The following WDR49 variants were observed in gnomAD, a reference collection of about 807,000 sequenced individuals.
WDR49 encodes the protein cilia- and flagella-associated protein 337.
A neutral mutation model predicts 119.5 loss-of-function variants in WDR49; 107 were observed. The ratio of observed to expected loss-of-function variants is 0.90; its 90% CI spans 0.77 to 1.05. The LOEUF (loss-of-function observed/expected upper bound fraction) is 1.05. Among genes scored for constraint, WDR49 ranks in the 50% least tolerant of loss-of-function variants. The pLI is 0.00. For synonymous variants in WDR49, 425 were observed against 418.8 expected, an observed-to-expected ratio of 1.01 and a Z score of -0.18; for missense variants, 1,240 against 1,220.5, an observed-to-expected ratio of 1.02 and a Z score of -0.24.
Position 167,605,472 on chromosome 3 carries a change from T to C in WDR49, c.959-1004A>G, listed in dbSNP as rs182546323. Among the ~76,000 whole-genome samples, 613 of 152,198 alleles carry C rather than the reference T, an allele frequency of 4.0e-3. 1 individual carries two copies. The highest frequency in any genetic ancestry group is 6.5e-3 in the Non-Finnish European group (443 of 68,002). On this transcript the variant is annotated intron_variant, in intron 5 of 18. Coordinates refer to ENST00000682715, the MANE Select transcript of WDR49 (RefSeq NM_001366157.1). ...GGCATCTACTATGTGTTCTGTGCTATGATAAAGATAATAAGAAAAAAAACA... is the reference window on the plus strand; with the variant it reads ...GGCATCTACTATGTGTTCTGTGCTACGATAAAGATAATAAGAAAAAAAACA...
chr3:167,522,486 T>G lies in WDR49; in HGVS notation c.2605-2A>C. On this transcript the variant is annotated splice_acceptor_variant, in intron 15 of 18. Coordinates refer to ENST00000682715, the MANE Select transcript of WDR49 (RefSeq NM_001366157.1). LOFTEE classifies it high-confidence loss of function. ...GTTTTCAATATGCCAGTGCTTTGCC[T>G]GAAAAAAACGAAAACATCTGTTTTA... The G allele has an allele frequency of 6.3e-7, 1 of 1,584,412 alleles. No homozygotes were observed. The highest frequency in any genetic ancestry group is 8.5e-7 in the Non-Finnish European group (1 of 1,173,128).
rs769573835 is a variant in WDR49, at chr3:167,575,991, C to T, written c.1436G>A (p.Ser479Asn). Residue 479 changes from serine to asparagine, a missense_variant, in exon 8 of 19, where the codon AGT (serine) becomes AAT (asparagine). Ser to Asn is a conservative substitution (Grantham distance 46, BLOSUM62 1). Coordinates refer to ENST00000682715, the MANE Select transcript of WDR49 (RefSeq NM_001366157.1). ...GCTTTTCACCCTCTTGCTGGCTTCACTTTTCATTGCCAACAATGCTAGCTG... is the reference window on the plus strand; with the variant it reads ...GCTTTTCACCCTCTTGCTGGCTTCATTTTTCATTGCCAACAATGCTAGCTG... ...NNQLALLAMK[S>N]EASKRVKSHE... The T allele has an allele frequency of 5.0e-6, 8 of 1,613,990 alleles. No individual in the cohort carries two copies. Among genetic ancestry groups the T allele is most frequent in the Admixed American group, 3.3e-5 (2 of 60,006 alleles).
rs773702014 is a variant in WDR49 at position 167,602,255 on chromosome 3, T to G, written c.1147A>C (p.Lys383Gln). ...NLIATAGINN[K>Q]VCLWNPYVVS... ...ACATAGGGATTCCAAAGGCAAACTTTATTGTTAATGCCAGCAGTTGCTAAT... is the reference window on the plus strand; with the variant it reads ...ACATAGGGATTCCAAAGGCAAACTTGATTGTTAATGCCAGCAGTTGCTAAT... Residue 383 changes from lysine (K) to glutamine (Q), a missense_variant, in exon 7 of 19, where the codon AAA becomes CAA. By Grantham distance (53) the Lys-to-Gln change is moderately conservative. Coordinates refer to ENST00000682715, the MANE Select transcript of WDR49 (RefSeq NM_001366157.1). 3 of 1,588,018 alleles carry G rather than the reference T, an allele frequency of 1.9e-6. No homozygotes were observed. The highest frequency in any genetic ancestry group is 1.1e-5 in the South Asian group (1 of 88,084).
intron 15 of WDR49, among the ~76,000 whole-genome samples, chr3:167,527,564 T>C (rs56969756): frequency 0.033 from 5,076 of 152,160 alleles, 268 homozygotes; most frequent in African/African-American, 0.12. Flanking sequence ...GAGAATTTTT[T>C]CTCAGAAATC....
At chr3:167,530,530 A>C (rs944347988) in intron 13 of WDR49, among the ~76,000 whole-genome samples, 5 of 152,016 alleles carry the variant, frequency 3.3e-5, no homozygotes, top group African/African-American at 7.2e-5. Context: ...AATAGCATCA[A>C]TGTTAGTATA....
chr3:167,577,462 G>A (rs1714306398), intron 7 of WDR49, among the ~76,000 whole-genome samples: 2 of 151,996 alleles, frequency 1.3e-5, no homozygotes, highest in African/African-American at 4.8e-5. Flanking sequence ...GTAACCTAGG[G>A]TCAGATTTCC....
intron 18 of WDR49, among the ~76,000 whole-genome samples, chr3:167,493,029 C>T (rs1229734796): frequency 6.6e-6 from 1 of 152,084 alleles, no homozygotes; most frequent in Non-Finnish European, 1.5e-5. Context: ...CAATATGTCT[C>T]CTTTGCTAGC....
chr3:167,641,339 ACTC>A (rs1717873447), intron 2 of WDR49, among the ~76,000 whole-genome samples: 1 of 151,494 alleles, frequency 6.6e-6, no homozygotes, highest in Non-Finnish European at 1.5e-5. Context: ...ACTTCTGATC[ACTC>A]CTTCTCAGTA....
At chr3:167,567,817 C>A (rs1713694267) in intron 8 of WDR49, among the ~76,000 whole-genome samples, 1 of 152,168 alleles carries the variant, frequency 6.6e-6, no homozygotes, top group South Asian at 2.1e-4. Context: ...CTTTAAAAAG[C>A]AGTCTCTTAC....
intron 10 of WDR49, among the ~76,000 whole-genome samples, chr3:167,550,524 A>AT (rs1712492449): frequency 1.3e-5 from 2 of 152,004 alleles, no homozygotes; most frequent in Admixed American, 6.6e-5. Context: ...TTTTAAGGAG[A>AT]TAAAACCTTC....
chr3:167,488,470 C>G (rs1751007832), intron 18 of WDR49, among the ~76,000 whole-genome samples: 1 of 151,940 alleles, frequency 6.6e-6, no homozygotes, highest in Non-Finnish European at 1.5e-5. Context: ...GCAATATACC[C>G]ATTTACCAAA....
chr3:167,620,642 G>C (rs1479215338), intron 4 of WDR49, 39 bp from the exon 5 acceptor site: 1 of 1,480,042 alleles, frequency 6.8e-7, no homozygotes, highest in Non-Finnish European at 9.0e-7. Flanking sequence ...TCGTGGACGG[G>C]ATATTTGTTG....
intron 13 of WDR49, among the ~76,000 whole-genome samples, chr3:167,530,148 C>T (rs1752794172): frequency 6.6e-6 from 1 of 151,852 alleles, no homozygotes; most frequent in South Asian, 2.1e-4. Context: ...TTCTAAACAT[C>T]CCAGAATGTT....
intron 7 of WDR49, among the ~76,000 whole-genome samples, chr3:167,579,432 C>G (rs974044764): frequency 6.6e-6 from 1 of 152,090 alleles, no homozygotes. Context: ...TTTTATGGGA[C>G]TTTTTAAAAT....
At chr3:167,554,545 C>T in intron 10 of WDR49, 105 bp downstream of exon 10, 1 of 616,538 alleles carries the variant, frequency 1.6e-6, no homozygotes, top group East Asian at 3.0e-5. Context: ...TAGGGTATCA[C>T]TCACCTAGGT....
At chr3:167,517,057 T>C (rs934673671) in intron 16 of WDR49, among the ~76,000 whole-genome samples, 1 of 152,032 alleles carries the variant, frequency 6.6e-6, no homozygotes. Context: ...CATTAAAAAG[T>C]CAGGAAACAA....
At chr3:167,602,654 G>A (rs1715832751) in intron 6 of WDR49, among the ~76,000 whole-genome samples, 1 of 152,074 alleles carries the variant, frequency 6.6e-6, no homozygotes, top group Admixed American at 6.6e-5. Flanking sequence ...CAGTGTTAAA[G>A]TTATCCCAGG....
chr3:167,520,339 A>G (rs889699745), intron 16 of WDR49, among the ~76,000 whole-genome samples: 9 of 152,060 alleles, frequency 5.9e-5, no homozygotes, highest in African/African-American at 1.9e-4. Context: ...AATCTGTAAT[A>G]CTTGCCTTCA....
At chr3:167,620,036 T>A (rs1036687200) in intron 5 of WDR49, among the ~76,000 whole-genome samples, 1 of 152,002 alleles carries the variant, frequency 6.6e-6, no homozygotes, top group Admixed American at 6.6e-5. Context: ...ATGCTTCCCA[T>A]GAGAACATAA....
Sources: gnomAD v4.1 joint callset for allele counts (sites outside exome capture counted in the v4.1 genomes callset) on GRCh38, gnomAD v4.1.1 for gene constraint, MANE v1.5 for transcripts, NCBI Gene and HGNC (gene_info 2026-07-23, HGNC 2026-07-21) for gene names.